SHISA9: variants seen among roughly 807,000 people sequenced by gnomAD.
SHISA9 encodes the protein protein shisa-9.
SHISA9 carries 13 observed loss-of-function variants against 38.0 expected under a neutral mutation model. The ratio of observed to expected loss-of-function variants is 0.34; its 90% CI spans 0.22 to 0.54. SHISA9 has a LOEUF of 0.54. SHISA9 is among the 20% of genes least tolerant of loss of function. The pLI is 0.91. For missense variants in SHISA9, 538 were observed against 575.8 expected, an observed-to-expected ratio of 0.93 and a Z score of 0.67; for synonymous variants, 275 against 242.0, an observed-to-expected ratio of 1.14 and a Z score of -1.27.
chr16:13,004,959 GA>G (rs1258120018), intron 2 of SHISA9, among the ~76,000 whole-genome samples: 1 of 54,648 alleles, frequency 1.8e-5, no homozygotes, highest in South Asian at 5.2e-4. Context: ...AAAAAAAAAA[GA>G]AAAAAAGAAA....
At chr16:13,186,036 T>C (rs896858226) in intron 2 of SHISA9, among the ~76,000 whole-genome samples, 10 of 152,172 alleles carry the variant, frequency 6.6e-5, no homozygotes, top group African/African-American at 2.4e-4. Flanking sequence ...TGGTAGCGAA[T>C]TGGCTGGGAC....
chr16:13,001,379 G>A (rs920735293), intron 2 of SHISA9, among the ~76,000 whole-genome samples: 1 of 143,904 alleles, frequency 6.9e-6, no homozygotes, highest in Admixed American at 6.7e-5. Context: ...ACTAAGGATC[G>A]GGGGGCCTTT....
chr16:13,310,625 A>G, the SHISA9 span, among the ~76,000 whole-genome samples: 2 of 151,578 alleles, frequency 1.3e-5, no homozygotes, highest in African/African-American at 4.9e-5. Flanking sequence ...AAAATTAGAA[A>G]TGTGAATGTT....
the SHISA9 span, among the ~76,000 whole-genome samples, chr16:13,397,911 G>C: frequency 6.6e-6 from 1 of 152,194 alleles, no homozygotes; most frequent in Non-Finnish European, 1.5e-5. Flanking sequence ...TTAATTGAGT[G>C]GAAGTAGCTC....
the SHISA9 span, among the ~76,000 whole-genome samples, chr16:13,348,903 T>C: frequency 6.6e-6 from 1 of 152,110 alleles, no homozygotes; most frequent in Non-Finnish European, 1.5e-5. Flanking sequence ...CTCTTTGCAC[T>C]CTCCATTTGC....
At chr16:13,454,185 G>A in the SHISA9 span, among the ~76,000 whole-genome samples, 2 of 152,166 alleles carry the variant, frequency 1.3e-5, no homozygotes, top group Non-Finnish European at 2.9e-5. Context: ...ATTATAAAAG[G>A]TTGACCTTTT....
At chr16:13,394,928 GGTGTGTGT>G in the SHISA9 span, among the ~76,000 whole-genome samples, 505 of 139,496 alleles carry the variant, frequency 3.6e-3, 1 homozygote, top group Non-Finnish European at 5.5e-3. Context: ...CAGTATCTGG[GGTGTGTGT>G]GTGTGTGTGT....
chr16:13,174,230 T>C (rs868366433), intron 2 of SHISA9, among the ~76,000 whole-genome samples: 3 of 152,192 alleles, frequency 2.0e-5, no homozygotes, highest in South Asian at 4.1e-4. Flanking sequence ...TATGGGGCCT[T>C]CTCATGCAAC....
chr16:13,484,901 C>T, the SHISA9 span, among the ~76,000 whole-genome samples: 1 of 152,140 alleles, frequency 6.6e-6, no homozygotes, highest in Non-Finnish European at 1.5e-5. Flanking sequence ...GTTTCTCCTC[C>T]AACACTGGGG....
At chr16:13,019,113 C>G (rs963216994) in intron 2 of SHISA9, among the ~76,000 whole-genome samples, 3 of 152,130 alleles carry the variant, frequency 2.0e-5, no homozygotes, top group African/African-American at 7.2e-5. Flanking sequence ...GATTCTCCTG[C>G]CTTACCCTCC....
chr16:13,273,928 G>A, the SHISA9 span, among the ~76,000 whole-genome samples: 6 of 152,148 alleles, frequency 3.9e-5, no homozygotes, highest in Admixed American at 6.6e-5. Flanking sequence ...GGCCATCAGA[G>A]AGTTGGTAGG....
chr16:13,297,908 C>T, the SHISA9 span, among the ~76,000 whole-genome samples: 1 of 152,174 alleles, frequency 6.6e-6, no homozygotes, highest in African/African-American at 2.4e-5. Flanking sequence ...AGTCATGCGC[C>T]ACCACGTCCA....
At chr16:13,444,125 C>A in the SHISA9 span, among the ~76,000 whole-genome samples, 1 of 152,278 alleles carries the variant, frequency 6.6e-6, no homozygotes, top group South Asian at 2.1e-4. Flanking sequence ...CATCCAAGCA[C>A]TTTGGGAGGC....
rs866188901 is a variant in SHISA9 at position 12,992,981 on chromosome 16, G to A, written c.691+76166G>A. ...AGGAAGATTACGTCAAACTTCTAGC[G>A]TAGGATTGTCTGTGCAAACCATTTG... On this transcript the variant is annotated intron_variant, in intron 2 of 4. Coordinates refer to ENST00000558583, the MANE Select transcript of SHISA9 (RefSeq NM_001145204.3). Among the ~76,000 whole-genome samples the A allele has an allele frequency of 2.6e-5, 4 of 152,294 alleles. No homozygotes were observed. The South Asian group carries it at 6.2e-4, about 24-fold the overall frequency.
At chr16:12,934,926 C>G (rs958373164) in intron 2 of SHISA9, among the ~76,000 whole-genome samples, 10 of 152,192 alleles carry the variant, frequency 6.6e-5, no homozygotes, top group African/African-American at 2.4e-4. Flanking sequence ...GAAGGAACGT[C>G]TGATGGTCCA....
the SHISA9 span, among the ~76,000 whole-genome samples, chr16:13,291,497 T>C: frequency 6.6e-6 from 1 of 152,246 alleles, no homozygotes. Flanking sequence ...ACACACTTTA[T>C]GTATTGCCTC....
the SHISA9 span, among the ~76,000 whole-genome samples, chr16:13,346,589 A>G: frequency 6.6e-6 from 1 of 152,186 alleles, no homozygotes; most frequent in Non-Finnish European, 1.5e-5. Flanking sequence ...CACTCATGGC[A>G]TGTTATCATT....
the SHISA9 span, among the ~76,000 whole-genome samples, chr16:13,326,590 G>A: frequency 1.8e-4 from 27 of 152,134 alleles, no homozygotes; most frequent in Non-Finnish European, 1.5e-4. Context: ...GCGTAGTGTC[G>A]CATGCCTGTA....
chr16:13,088,745 G>T (rs533308795), intron 2 of SHISA9, among the ~76,000 whole-genome samples: 111 of 152,326 alleles, frequency 7.3e-4, no homozygotes, highest in African/African-American at 2.5e-3. Flanking sequence ...ATACAATCAT[G>T]TCATCTGCAA....
Sources: gnomAD v4.1 joint callset for allele counts (sites outside exome capture counted in the v4.1 genomes callset) on GRCh38, gnomAD v4.1.1 for gene constraint, MANE v1.5 for transcripts, NCBI Gene and HGNC (gene_info 2026-07-23, HGNC 2026-07-21) for gene names.